DLGAP2: variants seen among roughly 807,000 people sequenced by gnomAD.
DLGAP2 encodes disks large-associated protein 2.
DLGAP2 carries 26 observed loss-of-function variants against 100.3 expected under a neutral mutation model. The ratio of observed to expected loss-of-function variants is 0.26; its 90% CI spans 0.19 to 0.36. The LOEUF (loss-of-function observed/expected upper bound fraction) is 0.36. DLGAP2 is among the 10% of genes least tolerant of loss of function. The probability of loss-of-function intolerance (pLI) is 1.00; values close to 1 mark genes in which losing one functional copy is unlikely to be tolerated. For synonymous variants in DLGAP2, 886 were observed against 630.1 expected, an observed-to-expected ratio of 1.41 and a Z score of -6.08; for missense variants, 1,858 against 1,453.2, an observed-to-expected ratio of 1.28 and a Z score of -4.53.
At chr8:775,243 T>A (rs1821483736) in intron 1 of DLGAP2, among the ~76,000 whole-genome samples, 2 of 152,198 alleles carry the variant, frequency 1.3e-5, no homozygotes, top group East Asian at 3.9e-4. Context: ...CTTAAGGAGA[T>A]TTTGGGCTGA....
intron 8 of DLGAP2, among the ~76,000 whole-genome samples, chr8:1,654,661 C>CAAAA (rs763257486): frequency 3.6e-4 from 33 of 92,654 alleles, no homozygotes; most frequent in African/African-American, 1.4e-3. Flanking sequence ...AACTCCGTCT[C>CAAAA]AAAAAAAAAA....
At chr8:1,171,006 C>G (rs1164402239) in intron 2 of DLGAP2, among the ~76,000 whole-genome samples, 2 of 151,464 alleles carry the variant, frequency 1.3e-5, no homozygotes, top group Non-Finnish European at 2.9e-5. Flanking sequence ...TTCCTGCTTT[C>G]TCTTGTGGGC....
chr8:1,591,722 A>G (rs4633084), intron 6 of DLGAP2, among the ~76,000 whole-genome samples: 106,898 of 152,064 alleles, frequency 0.7, 38,397 homozygotes, highest in East Asian at 0.89. Flanking sequence ...ACACACCCGC[A>G]TATCTCCTGG....
intron 1 of DLGAP2, among the ~76,000 whole-genome samples, chr8:792,982 C>G (rs1795947566): frequency 6.6e-6 from 1 of 152,192 alleles, no homozygotes; most frequent in African/African-American, 2.4e-5. Context: ...CCCACCCTTC[C>G]CCATGCTGAG....
At chr8:1,430,903 C>T (rs984145759) in intron 3 of DLGAP2, among the ~76,000 whole-genome samples, 4 of 152,282 alleles carry the variant, frequency 2.6e-5, no homozygotes, top group South Asian at 2.1e-4. Flanking sequence ...ATGAAAAGAT[C>T]TGGTTTCCTA....
intron 2 of DLGAP2, among the ~76,000 whole-genome samples, chr8:1,146,048 T>C (rs1796600404): frequency 6.6e-6 from 1 of 152,080 alleles, no homozygotes; most frequent in Admixed American, 6.6e-5. Flanking sequence ...TGGCAGAGCA[T>C]GCCTGTCCCC....
chr8:1,222,618 A>G (rs1176679959), intron 2 of DLGAP2, among the ~76,000 whole-genome samples: 1 of 147,798 alleles, frequency 6.8e-6, no homozygotes, highest in South Asian at 2.2e-4. Flanking sequence ...TGGCGGGGGA[A>G]GGCTGCAGGT....
rs147241513 is a variant in DLGAP2, at chr8:1,640,809, C to T, written c.1810+7763C>T. 2.6e-3 allele frequency among the ~76,000 whole-genome samples: 395 copies of T among 152,280 alleles called. 4 individuals carry two copies. The highest frequency in any genetic ancestry group is 8.8e-3 in the African/African-American group (366 of 41,558). On this transcript the variant is annotated intron_variant, in intron 8 of 14. Transcript: ENST00000637795. ...TAGACTTGTGTTTTACAGTAAATGA[C>T]GAAATGCAGTCCAGATACCTAAAAG...
chr8:1,548,451 T>TCC (rs1350197356), intron 4 of DLGAP2, among the ~76,000 whole-genome samples, 175 bp from the exon 5 acceptor site: 2 of 109,178 alleles, frequency 1.8e-5, no homozygotes, highest in Non-Finnish European at 3.5e-5. Flanking sequence ...AGAGCGAGAC[T>TCC]GTCTCAGAAA....
In DLGAP2 at chr8:1,442,363, C is replaced by T. The variant is rs143196525; in HGVS notation, c.107-59003C>T. 9.6e-4 allele frequency among the ~76,000 whole-genome samples: 144 copies of T among 149,454 alleles called. No individual in the cohort carries two copies. In the East Asian group the frequency reaches 0.016, roughly 16 times the overall value. ...TGGATCCAGGCATAGACCCGCCAAGCTGCTGTGGGTTCAGCCACTGGAGGA... is the reference window on the plus strand; with the variant it reads ...TGGATCCAGGCATAGACCCGCCAAGTTGCTGTGGGTTCAGCCACTGGAGGA... On this transcript the variant is annotated intron_variant, in intron 3 of 14. Transcript: ENST00000637795.
chr8:1,091,232 C>G (rs1247100624), intron 2 of DLGAP2, among the ~76,000 whole-genome samples: 1 of 152,192 alleles, frequency 6.6e-6, no homozygotes, highest in East Asian at 1.9e-4. Flanking sequence ...CGGTCAGTCC[C>G]ACTGGGCCAC....
At chr8:1,374,811 C>G (rs1802348978) in intron 3 of DLGAP2, among the ~76,000 whole-genome samples, 1 of 152,194 alleles carries the variant, frequency 6.6e-6, no homozygotes, top group South Asian at 2.1e-4. Flanking sequence ...CGAATCGGTC[C>G]AAGCAGAGGC....
intron 2 of DLGAP2, among the ~76,000 whole-genome samples, chr8:926,010 G>C (rs1000591636): frequency 6.6e-6 from 1 of 152,246 alleles, no homozygotes; most frequent in Non-Finnish European, 1.5e-5. Flanking sequence ...TAACTCACTT[G>C]GGCTCCGGGC....
chr8:1,096,294 C>T (rs186634997), intron 2 of DLGAP2, among the ~76,000 whole-genome samples: 9 of 152,340 alleles, frequency 5.9e-5, no homozygotes, highest in Admixed American at 3.3e-4. Context: ...CAGACCTCTC[C>T]CAAGGAAACT....
intron 3 of DLGAP2, among the ~76,000 whole-genome samples, chr8:1,496,692 T>C (rs1052046421): frequency 6.6e-6 from 1 of 152,118 alleles, no homozygotes; most frequent in Non-Finnish European, 1.5e-5. Flanking sequence ...GACAGCCATT[T>C]CTCTGAAGCT....
chr8:1,381,976 T>C (rs1425667553), intron 3 of DLGAP2, among the ~76,000 whole-genome samples: 6 of 152,172 alleles, frequency 3.9e-5, no homozygotes, highest in Admixed American at 3.3e-4. Context: ...ATTACATTTA[T>C]GCAATCTTGA....
At chr8:1,417,469 A>G (rs1269550329) in intron 3 of DLGAP2, among the ~76,000 whole-genome samples, 2 of 152,200 alleles carry the variant, frequency 1.3e-5, no homozygotes, top group Non-Finnish European at 2.9e-5. Flanking sequence ...CTTACTGTGA[A>G]GGTTAATGTG....
intron 2 of DLGAP2, among the ~76,000 whole-genome samples, chr8:1,175,911 C>G (rs892163198): frequency 3.9e-5 from 6 of 152,178 alleles, no homozygotes; most frequent in Non-Finnish European, 8.8e-5. Context: ...AGGTCGCATC[C>G]TCCCTCTCGG....
At chr8:1,317,413 A>G (rs1232216915) in intron 3 of DLGAP2, among the ~76,000 whole-genome samples, 2 of 139,836 alleles carry the variant, frequency 1.4e-5, no homozygotes, top group Middle Eastern at 4.0e-3. Context: ...TCTCTCCAAC[A>G]GTGGTCTACA....
Sources: gnomAD v4.1 joint callset for allele counts (sites outside exome capture counted in the v4.1 genomes callset) on GRCh38, gnomAD v4.1.1 for gene constraint, MANE v1.5 for transcripts, NCBI Gene and HGNC (gene_info 2026-07-23, HGNC 2026-07-21) for gene names.